Variants in ARHGAP23 observed in about 807,000 individuals in gnomAD.
ARHGAP23 encodes the protein Rho GTPase activating protein 23.
ARHGAP23 carries 34 observed loss-of-function variants against 136.3 expected under a neutral mutation model. That is an observed-to-expected ratio of 0.25 (90% confidence interval 0.19 to 0.33). ARHGAP23 has a LOEUF of 0.33. Ranked by LOEUF, ARHGAP23 falls within the 10% of genes least tolerant of loss-of-function variation. The probability of loss-of-function intolerance (pLI) is 1.00; values close to 1 mark genes in which losing one functional copy is unlikely to be tolerated. For missense variants in ARHGAP23, 1,808 were observed against 2,139.0 expected (o/e 0.85, Z 3.05); for synonymous variants, 832 against 920.5 (o/e 0.90, Z 1.74).
In ARHGAP23 at chr17:38,482,696, G is replaced by T; in HGVS notation, c.2907+18G>T. ...AGGATGAGGTGGGTGAAGCTGGGGG[G>T]TCTGTGGAAGAGGGGCTGAGATGGT... On this transcript the variant is annotated intron_variant, in intron 16 of 23. Transcript: ENST00000622683. The T allele has an allele frequency of 1.9e-6, 3 of 1,542,132 alleles. No individual in the cohort carries two copies. Among genetic ancestry groups the T allele is most frequent in the East Asian group, 2.5e-5 (1 of 40,738 alleles).
intron 2 of ARHGAP23, among the ~76,000 whole-genome samples, chr17:38,460,195 G>T (rs1013821962): frequency 6.6e-6 from 1 of 152,168 alleles, no homozygotes; most frequent in Non-Finnish European, 1.5e-5. Flanking sequence ...AGGCCTCCCA[G>T]TGGGTCCCCT....
At chr17:38,472,843 T>C (rs2039794407) in intron 11 of ARHGAP23, among the ~76,000 whole-genome samples, 1 of 152,242 alleles carries the variant, frequency 6.6e-6, no homozygotes, top group Non-Finnish European at 1.5e-5. Context: ...AATCCCTAGC[T>C]CATAAGCCTA....
intron 1 of ARHGAP23, among the ~76,000 whole-genome samples, chr17:38,445,857 C>T (rs1207943513): frequency 6.6e-6 from 1 of 152,016 alleles, no homozygotes; most frequent in Non-Finnish European, 1.5e-5. Flanking sequence ...TGGCCCTGGA[C>T]TCCTGACCTC....
At position 38,482,577 on chromosome 17, in the gene ARHGAP23, G is replaced by A. The variant is rs2040070873; in HGVS notation, c.2806G>A (p.Glu936Lys). 1.3e-6 allele frequency: 2 copies of A among 1,550,026 alleles called. No homozygotes were observed. Among genetic ancestry groups the A allele is most frequent in the African/African-American group, 2.7e-5 (2 of 73,026 alleles). Residue 936 changes from glutamate to lysine, a missense_variant, in exon 16 of 24, where the codon GAG becomes AAG. This residue lies in a region of ARHGAP23 where 105 missense variants were observed against 200.6 expected (regional missense o/e 0.52). Transcript: ENST00000622683. ...CCRIVEARGL[E>K]STGIYRVPGN... ...TCGCATTGTGGAGGCACGAGGGCTG[G>A]AGTCCACAGGCATTTACCGAGTGCC... is the stretch of plus-strand genomic sequence containing the variant.
In ARHGAP23 at chr17:38,466,477, G is replaced by A. The variant is rs779052973; in HGVS notation, c.794G>A (p.Arg265Gln). The change falls in exon 7 of 24, where the codon CGG (arginine) becomes CAG (glutamine). Residue 265 changes from arginine to glutamine, a missense_variant. Arg to Gln is a conservative substitution (Grantham distance 43). Transcript: ENST00000622683. ...TTCCCCCACCTCTCCTCGGAGCCCCGGACGCCCCGTGCCTTCCCAGAGCCT... is the reference window on the plus strand; with the variant it reads ...TTCCCCCACCTCTCCTCGGAGCCCCAGACGCCCCGTGCCTTCCCAGAGCCT... Reference protein sequence around the residue: ...GAFPHLSSEPRTPRAFPEPGS... With the variant: ...GAFPHLSSEPQTPRAFPEPGS... 7.3e-6 allele frequency: 11 copies of A among 1,516,954 alleles called. No individual in the cohort carries two copies. Among genetic ancestry groups the A allele is most frequent in the East Asian group, 2.5e-5 (1 of 40,620 alleles). The allele number at this position is 1,516,954 out of a possible 1,614,324, so 94.0% of individuals were successfully genotyped here. A position where few individuals can be genotyped will look rare whatever the true frequency, so the allele number is the denominator to read the frequency against.
At position 38,469,868 on chromosome 17, in the gene ARHGAP23, C is replaced by G; in HGVS notation, c.1938C>G (p.Pro646=). ...CCAGGCGCCTGCCAAACCGCATACC[C>G]AGCCTGCGGATGCTCCGGAGCTTCT... is the stretch of plus-strand genomic sequence containing the variant. ...RVLRRLPNRI[P]SLRMLRSFFT... is the part of the protein sequence containing the mutation. The change falls in exon 10 of 24, where the codon CCC becomes CCG. Residue 646 remains proline, a synonymous_variant. Transcript: ENST00000622683. 2.6e-6 allele frequency: 4 copies of G among 1,551,736 alleles called. No individual in the cohort carries two copies. The highest frequency in any genetic ancestry group is 3.5e-6 in the Non-Finnish European group (4 of 1,146,998).
At chr17:38,442,165 A>G (rs2038935855) in intron 1 of ARHGAP23, among the ~76,000 whole-genome samples, 1 of 152,044 alleles carries the variant, frequency 6.6e-6, no homozygotes, top group African/African-American at 2.4e-5. Flanking sequence ...TACTATGTTG[A>G]CCAGGCTGGT....
At chr17:38,437,626 C>T (rs901148126) in intron 1 of ARHGAP23, among the ~76,000 whole-genome samples, 1 of 151,784 alleles carries the variant, frequency 6.6e-6, no homozygotes, top group Non-Finnish European at 1.5e-5. Flanking sequence ...ACCCCTACCC[C>T]CCCCAAAAAA....
rs1567837040 is a variant in ARHGAP23, at chr17:38,511,266, C to T, written c.*294C>T. The T allele has an allele frequency of 8.3e-6, 3 of 362,652 alleles. No individual in the cohort carries two copies. The highest frequency in any genetic ancestry group is 2.1e-5 in the African/African-American group (1 of 47,352). The allele number at this position is 362,652 out of a possible 1,614,324, so 22.5% of individuals were successfully genotyped here. A position where few individuals can be genotyped will look rare whatever the true frequency, so the allele number is the denominator to read the frequency against. The stretch of plus-strand genomic sequence containing the variant: ...ATGCGCCCGATAGGTCCTTCTGAGC[C>T]TTTCTGTGGCTGCACTTGGGGACCC... On this transcript the variant is annotated 3_prime_UTR_variant, in exon 24 of 24. Transcript: ENST00000622683.
chr17:38,510,417 C>G lies in ARHGAP23; in HGVS notation c.3921C>G (p.Phe1307Leu). ...GGCGCCTGACACGCCGGCCGTCCTTCAGCTCGCACCACCTCATGCCCTGCG... is the reference window on the plus strand; with the variant it reads ...GGCGCCTGACACGCCGGCCGTCCTTGAGCTCGCACCACCTCATGCCCTGCG... ...PGGRLTRRPS[F>L]SSHHLMPCDT... The change falls in exon 24 of 24, where the codon TTC becomes TTG. Residue 1307 changes from phenylalanine to leucine, a missense_variant. Transcript: ENST00000622683. This position sits in a 1 kb window ranked among gnomAD's most constrained non-coding sequence, Gnocchi z 4.6. The G allele has an allele frequency of 1.6e-6, 2 of 1,237,976 alleles. No homozygotes were observed. Among genetic ancestry groups the G allele is most frequent in the Non-Finnish European group, 2.0e-6 (2 of 992,330 alleles). 76.7% of individuals were successfully genotyped at this position (1,237,976 alleles called of 1,614,324 possible). A position where few individuals can be genotyped will look rare whatever the true frequency, so the allele number is the denominator to read the frequency against.
chr17:38,448,352 A>C (rs2039079738), intron 1 of ARHGAP23, among the ~76,000 whole-genome samples: 1 of 152,164 alleles, frequency 6.6e-6, no homozygotes, highest in South Asian at 2.1e-4. Flanking sequence ...TGTGATGACT[A>C]TCCAAAAAGC....
chr17:38,424,969 C>G (rs1403096662), upstream of ARHGAP23, among the ~76,000 whole-genome samples: 1 of 152,220 alleles, frequency 6.6e-6, no homozygotes, highest in Admixed American at 6.5e-5. Context: ...CATTTCCTTC[C>G]TCCTGCTCAC....
chr17:38,490,266 A>C, intron 18 of ARHGAP23, 91 bp downstream of exon 18: 2 of 1,345,812 alleles, frequency 1.5e-6, no homozygotes, highest in East Asian at 2.5e-5. Context: ...GCTGCCCACG[A>C]CCCCTGTGGC....
rs1257637720 is a variant in ARHGAP23 at position 38,471,846 on chromosome 17, C to T, written c.1975-17C>T. 2 of 1,525,178 alleles carry T rather than the reference C, an allele frequency of 1.3e-6. No homozygotes were observed. The highest frequency in any genetic ancestry group is 1.8e-6 in the Non-Finnish European group (2 of 1,132,520). 94.5% of individuals were successfully genotyped at this position (1,525,178 alleles called of 1,614,324 possible). The stretch of plus-strand genomic sequence containing the variant: ...TGTGGGAGCCACCCTAAATTGTCCT[C>T]TGTTGTCTCCCTGCAGTCCTTGGAT... On this transcript the variant is annotated splice_polypyrimidine_tract_variant and intron_variant, in intron 10 of 23. Transcript: ENST00000622683.
At position 38,477,496 on chromosome 17, in the gene ARHGAP23, T is replaced by C; in HGVS notation, c.2119-83T>C. 8.8e-7 allele frequency: 1 copy of C among 1,131,452 alleles called. No individual in the cohort carries two copies. Among genetic ancestry groups the C allele is most frequent in the South Asian group, 3.4e-5 (1 of 29,268 alleles). The allele number at this position is 1,131,452 out of a possible 1,614,324, so 70.1% of individuals were successfully genotyped here. ...CAGCGTGGGGTCCATCCCCTGGCTGTCCTCTGTCTGCTACTCTGAGAGCAG... is the reference window on the plus strand; with the variant it reads ...CAGCGTGGGGTCCATCCCCTGGCTGCCCTCTGTCTGCTACTCTGAGAGCAG... On this transcript the variant is annotated intron_variant, in intron 11 of 23. Coordinates refer to ENST00000622683, the MANE Select transcript of ARHGAP23 (RefSeq NM_001199417.2). This position sits in a 1 kb window ranked among gnomAD's most constrained non-coding sequence, Gnocchi z 6.6.
intron 1 of ARHGAP23, among the ~76,000 whole-genome samples, chr17:38,440,212 T>C (rs1000300631): frequency 7.9e-5 from 12 of 152,038 alleles, no homozygotes; most frequent in African/African-American, 2.7e-4. Context: ...AGAGACAAGG[T>C]TTCACCATGT....
At chr17:38,509,140 G>A (rs1477916442) in intron 23 of ARHGAP23, among the ~76,000 whole-genome samples, 1 of 152,112 alleles carries the variant, frequency 6.6e-6, no homozygotes, top group African/African-American at 2.4e-5. Flanking sequence ...ATGGGCGGCA[G>A]CATGGGCCCT....
At chr17:38,502,213 G>A (rs1018131055) in intron 23 of ARHGAP23, among the ~76,000 whole-genome samples, 1 of 152,214 alleles carries the variant, frequency 6.6e-6, no homozygotes, top group African/African-American at 2.4e-5. Context: ...GGCTGAGGCA[G>A]GATAATTGCT....
Position 38,477,923 on chromosome 17 carries a change from A to G in ARHGAP23, c.2436+27A>G. On this transcript the variant is annotated intron_variant, in intron 12 of 23. Coordinates refer to ENST00000622683, the MANE Select transcript of ARHGAP23 (RefSeq NM_001199417.2). This position sits in a 1 kb window ranked among gnomAD's most constrained non-coding sequence, Gnocchi z 6.6. The stretch of plus-strand genomic sequence containing the variant: ...TGAGGGCCCGGCCAGCCCGGCAGCC[A>G]CAGAGGGCGGGCGGGGTGGCCTCTC... 5 of 1,547,080 alleles carry G rather than the reference A, an allele frequency of 3.2e-6. No individual in the cohort carries two copies. Among genetic ancestry groups the G allele is most frequent in the Non-Finnish European group, 4.4e-6 (5 of 1,145,966 alleles).
Sources: gnomAD v4.1 joint callset for allele counts (sites outside exome capture counted in the v4.1 genomes callset) on GRCh38, gnomAD v4.1.1 for gene constraint, gnomAD v4.1.1 regional missense constraint, Gnocchi (gnomAD v3.1) non-coding constraint, MANE v1.5 for transcripts, NCBI Gene and HGNC (gene_info 2026-07-23, HGNC 2026-07-21) for gene names.